Variants in NTRK2 observed in about 807,000 individuals in gnomAD.
NTRK2 encodes BDNF/NT-3 growth factors receptor.
A neutral mutation model predicts 94.5 loss-of-function variants in NTRK2; 13 were observed. The observed-to-expected ratio is 0.14, with a 90% CI of 0.09 to 0.22. The LOEUF is 0.22. NTRK2 is among the 10% of genes least tolerant of loss of function. The pLI is 1.00. For missense variants in NTRK2, 639 were observed against 1,071.2 expected (o/e 0.60, Z 5.63); for synonymous variants, 372 against 407.4 (o/e 0.91, Z 1.05).
At chr9:84,945,188 A>G (rs1467950743) in intron 15 of NTRK2, among the ~76,000 whole-genome samples, 1 of 151,354 alleles carries the variant, frequency 6.6e-6, no homozygotes, top group South Asian at 2.1e-4. Flanking sequence ...TTTCATTTCC[A>G]CTCCTCACTT....
At chr9:84,686,544 G>C (rs192632007) in intron 2 of NTRK2, among the ~76,000 whole-genome samples, 7 of 152,324 alleles carry the variant, frequency 4.6e-5, no homozygotes, top group Middle Eastern at 3.4e-3. Flanking sequence ...AGGCAATTCT[G>C]GTGTGAGATT....
At position 85,026,392 on chromosome 9, in the gene NTRK2, T is replaced by C. The variant is rs546514413; in HGVS notation, c.*4955T>C. On this transcript the variant is annotated 3_prime_UTR_variant, in exon 19 of 19. Coordinates refer to ENST00000277120, the MANE Select transcript of NTRK2 (RefSeq NM_006180.6). ...GTTCAATGTACTGGAGCAAGCATCA[T>C]AAAAGCTGCTAGTAGCCATGTGTTT... 11 of 231,974 alleles carry C rather than the reference T, an allele frequency of 4.7e-5. No homozygotes were observed. The South Asian group carries it at 1.3e-3, about 27-fold the overall frequency. 14.4% of individuals were successfully genotyped at this position (231,974 alleles called of 1,614,324 possible).
chr9:84,940,975 A>C lies in NTRK2; in HGVS notation c.1764+6683A>C, dbSNP rs2078389239. On this transcript the variant is annotated intron_variant, in intron 15 of 18. Coordinates refer to ENST00000277120, the MANE Select transcript of NTRK2 (RefSeq NM_006180.6). ...ATTGGCATGTGAAATACTTGTTCCC[A>C]AAAAATGGAAATTGATGATGAAAAG... Among the ~76,000 whole-genome samples the C allele has an allele frequency of 9.2e-5, 14 of 152,290 alleles. 1 individual carries two copies. The South Asian group carries it at 2.9e-3, about 32-fold the overall frequency.
intron 17 of NTRK2, among the ~76,000 whole-genome samples, chr9:85,008,728 A>G (rs946613371): frequency 2.0e-5 from 3 of 152,218 alleles, no homozygotes; most frequent in African/African-American, 7.2e-5. Context: ...AGTGTATCAT[A>G]CAACTCCAGG....
At chr9:84,862,753 G>A (rs955485130) in intron 13 of NTRK2, among the ~76,000 whole-genome samples, 1 of 152,198 alleles carries the variant, frequency 6.6e-6, no homozygotes, top group East Asian at 1.9e-4. Flanking sequence ...AAAGGCAGAG[G>A]AGGGAAGGGA....
chr9:85,024,150 G>C lies in NTRK2; in HGVS notation c.*2713G>C. 4.3e-6 allele frequency: 1 copy of C among 231,668 alleles called. No homozygotes were observed. Among genetic ancestry groups the C allele is most frequent in the East Asian group, 6.1e-5 (1 of 16,290 alleles). The allele number at this position is 231,668 out of a possible 1,614,324, so 14.4% of individuals were successfully genotyped here. On this transcript the variant is annotated 3_prime_UTR_variant, in exon 19 of 19. Coordinates refer to ENST00000277120, the MANE Select transcript of NTRK2 (RefSeq NM_006180.6). Reference sequence around the variant, plus strand: ...TATTACTATCTCTGTTGTCTTAAGAGTATGTGCTGATTTCAGAGACATCTC... The same window carrying C: ...TATTACTATCTCTGTTGTCTTAAGACTATGTGCTGATTTCAGAGACATCTC...
chr9:84,831,018 T>C (rs923361800), intron 12 of NTRK2, among the ~76,000 whole-genome samples: 1 of 152,238 alleles, frequency 6.6e-6, no homozygotes, highest in African/African-American at 2.4e-5. Context: ...GAGTTAACAT[T>C]TGTCATAAAT....
intron 12 of NTRK2, among the ~76,000 whole-genome samples, chr9:84,767,580 T>C (rs1472012772): frequency 6.6e-6 from 1 of 152,180 alleles, no homozygotes; most frequent in African/African-American, 2.4e-5. Flanking sequence ...TAAAATATGG[T>C]TTTCTGTCTC....
intron 2 of NTRK2, among the ~76,000 whole-genome samples, chr9:84,693,090 C>T (rs1411789252): frequency 6.6e-6 from 1 of 152,126 alleles, no homozygotes; most frequent in Admixed American, 6.5e-5. Flanking sequence ...CATGGAAATT[C>T]AAAACTTTTT....
intron 1 of NTRK2, among the ~76,000 whole-genome samples, 185 bp from the exon 2 acceptor site, chr9:84,670,192 T>G (rs976557250): frequency 1.3e-5 from 2 of 152,052 alleles, no homozygotes; most frequent in African/African-American, 4.8e-5. Flanking sequence ...GGCACACTGG[T>G]GGCTCCAGCG....
intron 17 of NTRK2, among the ~76,000 whole-genome samples, chr9:84,959,280 G>T (rs911563930): frequency 5.3e-5 from 8 of 151,928 alleles, no homozygotes; most frequent in Non-Finnish European, 1.0e-4. Context: ...TTGTGTGTGG[G>T]TTTTTTTTGT....
At chr9:84,756,118 G>C (rs1356202852) in intron 12 of NTRK2, among the ~76,000 whole-genome samples, 1 of 152,042 alleles carries the variant, frequency 6.6e-6, no homozygotes, top group Admixed American at 6.6e-5. Context: ...ATCTATGTCG[G>C]TATCAATATC....
At chr9:84,762,023 G>A (rs1026281261) in intron 12 of NTRK2, among the ~76,000 whole-genome samples, 3 of 148,914 alleles carry the variant, frequency 2.0e-5, no homozygotes, top group Non-Finnish European at 4.5e-5. Context: ...ACGATCTGAG[G>A]TTTTTTTTTT....
At chr9:84,938,664 A>G (rs79726421) in intron 15 of NTRK2, among the ~76,000 whole-genome samples, 1 of 152,174 alleles carries the variant, frequency 6.6e-6, no homozygotes, top group African/African-American at 2.4e-5. Flanking sequence ...CATATGTAGT[A>G]GTATGCAGTA....
At chr9:84,791,026 G>A (rs2068672740) in intron 12 of NTRK2, among the ~76,000 whole-genome samples, 1 of 152,158 alleles carries the variant, frequency 6.6e-6, no homozygotes, top group South Asian at 2.1e-4. Context: ...TTTTGTATTT[G>A]TTGGCTAAGT....
intron 14 of NTRK2, among the ~76,000 whole-genome samples, chr9:84,922,218 T>C (rs1470222592): frequency 1.3e-5 from 2 of 152,240 alleles, no homozygotes. Flanking sequence ...GCCCAGCATA[T>C]GACTGGGTCG....
chr9:84,874,331 C>T (rs1449088435), intron 14 of NTRK2: 2 of 1,065,122 alleles, frequency 1.9e-6, no homozygotes, highest in Admixed American at 5.3e-5. Flanking sequence ...ATGTGAGGCT[C>T]AATCCTTTAC....
At chr9:84,819,090 A>T (rs926879075) in intron 12 of NTRK2, among the ~76,000 whole-genome samples, 1 of 152,216 alleles carries the variant, frequency 6.6e-6, no homozygotes, top group Admixed American at 6.5e-5. Context: ...CTGCCTGACC[A>T]TAAATTAATG....
intron 12 of NTRK2, among the ~76,000 whole-genome samples, chr9:84,821,815 TAGAGAGAGAGAGAGAGAG>T (rs55923826): frequency 8.1e-5 from 12 of 147,368 alleles, no homozygotes; most frequent in African/African-American, 2.3e-4. Flanking sequence ...GGGAGAGAAG[TAGAGAGAGAGAGAGAGAG>T]AGAGAGAGAG....
Sources: gnomAD v4.1 joint callset for allele counts (sites outside exome capture counted in the v4.1 genomes callset) on GRCh38, gnomAD v4.1.1 for gene constraint, MANE v1.5 for transcripts, NCBI Gene and HGNC (gene_info 2026-07-23, HGNC 2026-07-21) for gene names.